The following GARIN1A variants were observed in gnomAD, a reference collection of about 807,000 sequenced individuals.
The protein encoded by GARIN1A is Golgi-associated RAB2 interactor protein 1A.
At chr7:128,675,597 G>A in the GARIN1A span, 74 of 1,484,900 alleles carry the variant, frequency 5.0e-5, no homozygotes, top group Admixed American at 6.9e-5. Context: ...CCAAGATGAT[G>A]TGCCACTTTC....
chr7:128,674,712 G>A, the GARIN1A span, among the ~76,000 whole-genome samples: 3 of 152,032 alleles, frequency 2.0e-5, no homozygotes, highest in Admixed American at 1.3e-4. Context: ...GGTCAGGCTG[G>A]TGGGAAATTA....
chr7:128,682,453 C>G, the GARIN1A span, among the ~76,000 whole-genome samples: 11 of 152,360 alleles, frequency 7.2e-5, no homozygotes, highest in African/African-American at 2.6e-4. Context: ...GTGGCTTTCT[C>G]TCCTCGGGTT....
the GARIN1A span, among the ~76,000 whole-genome samples, chr7:128,703,942 T>A: frequency 6.6e-6 from 1 of 152,110 alleles, no homozygotes; most frequent in Non-Finnish European, 1.5e-5. Flanking sequence ...GTGCATTTGT[T>A]AAAAGGTATG....
chr7:128,697,647 G>C, the GARIN1A span: 3 of 153,460 alleles, frequency 2.0e-5, no homozygotes, highest in Non-Finnish European at 4.3e-5. Context: ...CTCCGTCGCA[G>C]CCCGGGACCT....
chr7:128,673,829 A>G, the GARIN1A span, among the ~76,000 whole-genome samples: 1 of 152,162 alleles, frequency 6.6e-6, no homozygotes, highest in African/African-American at 2.4e-5. Flanking sequence ...GAGCAATAAC[A>G]TGGGAAGTCC....
the GARIN1A span, among the ~76,000 whole-genome samples, chr7:128,674,276 A>T: frequency 6.6e-6 from 1 of 152,146 alleles, no homozygotes; most frequent in Non-Finnish European, 1.5e-5. Context: ...AGAAAAGTTC[A>T]AAGTTTGATT....
At chr7:128,708,239 C>G in the GARIN1A span, among the ~76,000 whole-genome samples, 6 of 149,252 alleles carry the variant, frequency 4.0e-5, no homozygotes, top group Non-Finnish European at 8.9e-5. Context: ...GTTGCCCAGG[C>G]TGATCTCAAA....
At chr7:128,676,262 G>A in the GARIN1A span, among the ~76,000 whole-genome samples, 3 of 150,238 alleles carry the variant, frequency 2.0e-5, no homozygotes, top group Admixed American at 6.7e-5. Context: ...CACCTGCCTC[G>A]GCCTCCCAAA....
the GARIN1A span, chr7:128,685,497 G>A: frequency 3.3e-5 from 5 of 152,352 alleles, no homozygotes; most frequent in African/African-American, 1.2e-4. Flanking sequence ...CCCTCCTCTT[G>A]TGCATGCTCA....
chr7:128,698,303 C>G, the GARIN1A span, among the ~76,000 whole-genome samples: 1 of 152,092 alleles, frequency 6.6e-6, no homozygotes, highest in Non-Finnish European at 1.5e-5. Context: ...TGCCCACACC[C>G]CACACTGGGG....
the GARIN1A span, among the ~76,000 whole-genome samples, chr7:128,674,529 C>G: frequency 2.6e-5 from 4 of 152,244 alleles, no homozygotes; most frequent in East Asian, 1.9e-4. Context: ...ATCACCATCA[C>G]TATCATCATC....
At chr7:128,693,174 T>C in the GARIN1A span, among the ~76,000 whole-genome samples, 1 of 152,278 alleles carries the variant, frequency 6.6e-6, no homozygotes, top group Admixed American at 6.5e-5. Flanking sequence ...TTTTAAATTA[T>C]GTCCAAAGAA....
At chr7:128,687,437 C>G in the GARIN1A span, 2 of 152,232 alleles carry the variant, frequency 1.3e-5, no homozygotes, top group African/African-American at 4.8e-5. Context: ...GACACCAGAA[C>G]AGCTCTGTGA....
the GARIN1A span, among the ~76,000 whole-genome samples, chr7:128,675,353 G>C: frequency 1.3e-5 from 2 of 152,056 alleles, no homozygotes; most frequent in South Asian, 2.1e-4. Flanking sequence ...ACCAGTGCTG[G>C]CTTCTCCTGC....
the GARIN1A span, chr7:128,680,069 G>T: frequency 1.0e-5 from 16 of 1,580,958 alleles, no homozygotes; most frequent in South Asian, 7.1e-5. Flanking sequence ...AGCCCAGCGA[G>T]CCCCTCGTGC....
At chr7:128,689,567 G>A in the GARIN1A span, among the ~76,000 whole-genome samples, 1 of 144,366 alleles carries the variant, frequency 6.9e-6, no homozygotes, top group Non-Finnish European at 1.5e-5. Context: ...CAGCCGCCCC[G>A]TCTGAGAAGT....
the GARIN1A span, chr7:128,672,547 C>T: frequency 1.9e-6 from 3 of 1,607,976 alleles, no homozygotes; most frequent in South Asian, 1.1e-5. Flanking sequence ...GCAACTTTAT[C>T]CAGGTACCCT....
the GARIN1A span, among the ~76,000 whole-genome samples, chr7:128,707,220 A>G: frequency 4.5e-3 from 663 of 147,266 alleles, 6 homozygotes; most frequent in African/African-American, 0.015. Flanking sequence ...GTGTGTATGT[A>G]TGTGTGTGTG....
chr7:128,693,698 G>A, the GARIN1A span: 1 of 152,528 alleles, frequency 6.6e-6, no homozygotes, highest in Non-Finnish European at 1.5e-5. Flanking sequence ...GCTTTGTCCA[G>A]GCCTTGTCCT....
Sources: allele counts gnomAD v4.1 joint callset (sites outside exome capture counted in the v4.1 genomes callset), GRCh38; gene constraint gnomAD v4.1.1; transcripts MANE v1.5; gene names NCBI Gene and HGNC (gene_info 2026-07-23, HGNC 2026-07-21).